FGFR2: variants seen among roughly 807,000 people sequenced by gnomAD.
The protein encoded by FGFR2 is BEK fibroblast growth factor receptor.
Under a neutral mutation model 95.9 loss-of-function variants are expected in FGFR2, and 19 were observed. The ratio of observed to expected loss-of-function variants is 0.20; its 90% CI spans 0.14 to 0.29. FGFR2 has a LOEUF of 0.29. Among genes scored for constraint, FGFR2 ranks in the 10% least tolerant of loss-of-function variants. FGFR2 has a pLI of 1.00. For missense variants in FGFR2, 707 were observed against 1,056.9 expected (o/e 0.67, Z 4.59); for synonymous variants, 392 against 393.3 (o/e 1.00, Z 0.04).
intron 4 of FGFR2, among the ~76,000 whole-genome samples, chr10:121,560,434 G>A (rs886478389): frequency 6.6e-6 from 1 of 151,910 alleles, no homozygotes; most frequent in Non-Finnish European, 1.5e-5. Flanking sequence ...CTAACATGGT[G>A]GAACCCCATC....
intron 9 of FGFR2, among the ~76,000 whole-genome samples, chr10:121,513,876 TTGAAGCTGGGTTG>T (rs1849359831): frequency 6.6e-6 from 1 of 152,182 alleles, no homozygotes; most frequent in African/African-American, 2.4e-5. Context: ...AGCCAGGAGT[TTGAAGCTGGGTTG>T]TGAACAACCA....
intron 4 of FGFR2, among the ~76,000 whole-genome samples, chr10:121,560,275 C>T (rs991981167): frequency 1.3e-5 from 2 of 152,086 alleles, no homozygotes; most frequent in African/African-American, 2.4e-5. Flanking sequence ...CTAGTGCAGG[C>T]CCTCAGCATC....
At chr10:121,554,187 A>G (rs1360547631) in intron 4 of FGFR2, among the ~76,000 whole-genome samples, 1 of 152,104 alleles carries the variant, frequency 6.6e-6, no homozygotes, top group Non-Finnish European at 1.5e-5. Flanking sequence ...CCACCATAAA[A>G]AATCCAGGCA....
chr10:121,519,865 A>T, intron 7 of FGFR2, 114 bp downstream of exon 7: 2 of 948,066 alleles, frequency 2.1e-6, no homozygotes, highest in Non-Finnish European at 3.4e-6. Flanking sequence ...TCTGCTGGCT[A>T]GTCAAAAAAG....
intron 5 of FGFR2, among the ~76,000 whole-genome samples, chr10:121,544,978 AC>A (rs1193650443): frequency 6.6e-6 from 1 of 152,172 alleles, no homozygotes; most frequent in Non-Finnish European, 1.5e-5. Flanking sequence ...CCCCGTCTCT[AC>A]AAAAAATTTA....
chr10:121,508,632 C>T (rs894471300), intron 9 of FGFR2, among the ~76,000 whole-genome samples: 7 of 152,108 alleles, frequency 4.6e-5, no homozygotes, highest in Non-Finnish European at 8.8e-5. Flanking sequence ...ACTTTATTGT[C>T]ATTATTATTA....
chr10:121,547,353 A>G (rs1854669253), intron 5 of FGFR2, among the ~76,000 whole-genome samples: 1 of 152,238 alleles, frequency 6.6e-6, no homozygotes. Flanking sequence ...GAATGAAAAT[A>G]ACAATATAGT....
intron 15 of FGFR2, among the ~76,000 whole-genome samples, chr10:121,486,688 C>T (rs1420072672): frequency 1.3e-5 from 2 of 152,198 alleles, no homozygotes; most frequent in African/African-American, 4.8e-5. Flanking sequence ...GATCCACCCG[C>T]CTTGCCCTCC....
intron 17 of FGFR2, among the ~76,000 whole-genome samples, chr10:121,480,894 CT>C (rs1217106201): frequency 6.6e-6 from 1 of 151,486 alleles, no homozygotes; most frequent in African/African-American, 2.4e-5. Flanking sequence ...TAAAGATGGT[CT>C]TTAACATTGG....
intron 2 of FGFR2, among the ~76,000 whole-genome samples, chr10:121,593,379 G>A (rs937557934): frequency 2.6e-5 from 4 of 152,170 alleles, no homozygotes; most frequent in African/African-American, 9.7e-5. Flanking sequence ...TGCTGGGGGA[G>A]ACTAGAGATG....
intron 13 of FGFR2, among the ~76,000 whole-genome samples, chr10:121,494,087 T>A (rs1027419443): frequency 6.6e-6 from 1 of 151,602 alleles, no homozygotes; most frequent in Non-Finnish European, 1.5e-5. Flanking sequence ...AGCCTTCCCA[T>A]TCACCACACA....
At chr10:121,565,134 A>G (rs1857484403) in intron 3 of FGFR2, among the ~76,000 whole-genome samples, 3 of 146,520 alleles carry the variant, frequency 2.0e-5, no homozygotes, top group Admixed American at 7.2e-5. Flanking sequence ...TGAGTATCCA[A>G]ATTTCAACCC....
At chr10:121,519,017 A>C (rs568546369) in intron 7 of FGFR2, among the ~76,000 whole-genome samples, 2 of 152,352 alleles carry the variant, frequency 1.3e-5, no homozygotes, top group South Asian at 4.1e-4. Context: ...GGTGGAGAGA[A>C]GGGCAGGAGG....
chr10:121,558,472 A>C (rs1856492138), intron 4 of FGFR2, among the ~76,000 whole-genome samples: 1 of 152,240 alleles, frequency 6.6e-6, no homozygotes, highest in Non-Finnish European at 1.5e-5. Flanking sequence ...GTCATCAGCT[A>C]GTCAGCTGCT....
At chr10:121,532,135 G>A (rs1852160010) in intron 6 of FGFR2, among the ~76,000 whole-genome samples, 1 of 152,234 alleles carries the variant, frequency 6.6e-6, no homozygotes, top group Non-Finnish European at 1.5e-5. Context: ...TTCACTGGCA[G>A]CAAAGTCAGG....
intron 1 of FGFR2, among the ~76,000 whole-genome samples, chr10:121,596,072 C>A (rs1476225066): frequency 6.6e-6 from 1 of 152,278 alleles, no homozygotes; most frequent in Non-Finnish European, 1.5e-5. Flanking sequence ...CGCTGGCGGC[C>A]ACAATCCCGG....
chr10:121,559,117 A>G (rs931628163), intron 4 of FGFR2, among the ~76,000 whole-genome samples: 1 of 151,056 alleles, frequency 6.6e-6, no homozygotes, highest in African/African-American at 2.4e-5. Flanking sequence ...AGGAGAAAAA[A>G]AAAAAAAAAA....
Position 121,544,583 on chromosome 10 carries a change from T to C in FGFR2, c.625-5868A>G, listed in dbSNP as rs1023968911. 4.0e-5 allele frequency among the ~76,000 whole-genome samples: 6 copies of C among 151,756 alleles called. 1 individual carries two copies. Among genetic ancestry groups the C allele is most frequent in the African/African-American group, 1.5e-4 (6 of 41,258 alleles). ...TAAGCCAGACACAAAAGGAAAAATA[T>C]CCTGATTTCACTTATATAAGGTACA... On this transcript the variant is annotated intron_variant, in intron 5 of 17. Transcript: ENST00000358487.
chr10:121,573,399 G>T (rs954716308), intron 2 of FGFR2, among the ~76,000 whole-genome samples: 3 of 152,184 alleles, frequency 2.0e-5, no homozygotes, highest in Non-Finnish European at 4.4e-5. Context: ...CAAGGATGCG[G>T]TGGGGTCGTC....
Sources: gnomAD v4.1 joint callset for allele counts (sites outside exome capture counted in the v4.1 genomes callset) on GRCh38, gnomAD v4.1.1 for gene constraint, MANE v1.5 for transcripts, NCBI Gene and HGNC (gene_info 2026-07-23, HGNC 2026-07-21) for gene names.